PLPPR1: variants seen among roughly 807,000 people sequenced by gnomAD.
PLPPR1 encodes the protein phospholipid phosphatase related 1.
Under a neutral mutation model 33.1 loss-of-function variants are expected in PLPPR1, and 10 were observed. The observed-to-expected ratio is 0.30, with a 90% CI of 0.19 to 0.51. The LOEUF (loss-of-function observed/expected upper bound fraction) is 0.51, where lower values mean the gene tolerates loss of function less well. PLPPR1 is among the 20% of genes least tolerant of loss of function. PLPPR1 has a pLI of 0.97. For missense variants in PLPPR1, 304 were observed against 408.1 expected, an observed-to-expected ratio of 0.74 and a Z score of 2.20; for synonymous variants, 151 against 151.0, an observed-to-expected ratio of 1.00 and a Z score of 0.00.
chr9:101,179,707 AGACTTGTGATGGTTAATACTGAGT>A (rs1826070379), intron 1 of PLPPR1, among the ~76,000 whole-genome samples: 1 of 152,212 alleles, frequency 6.6e-6, no homozygotes, highest in East Asian at 1.9e-4. Context: ...GACAAGGGGT[AGACTTGTGATGGTTAATACTGAGT>A]GTCAACTTGA....
intron 6 of PLPPR1, among the ~76,000 whole-genome samples, chr9:101,316,120 G>A (rs1829045943): frequency 6.6e-6 from 1 of 152,126 alleles, no homozygotes; most frequent in African/African-American, 2.4e-5. Context: ...GTTTCTACAG[G>A]TTCCCCTCTT....
At chr9:101,257,004 T>A (rs529535846) in intron 2 of PLPPR1, among the ~76,000 whole-genome samples, 57 of 152,258 alleles carry the variant, frequency 3.7e-4, no homozygotes, top group Middle Eastern at 6.8e-3. Flanking sequence ...TTCAGTTTCA[T>A]GAATATTCTT....
chr9:101,084,434 G>A (rs1251593490), intron 1 of PLPPR1, among the ~76,000 whole-genome samples: 3 of 152,174 alleles, frequency 2.0e-5, no homozygotes, highest in African/African-American at 7.2e-5. Flanking sequence ...ATTTAATGCT[G>A]CTCTGGTAGG....
chr9:101,187,429 A>C (rs1011280525), intron 2 of PLPPR1: 1 of 151,982 alleles, frequency 6.6e-6, no homozygotes, highest in Admixed American at 6.6e-5. Flanking sequence ...CACAAACATA[A>C]ATAGAAGTCT....
chr9:101,090,153 T>C (rs1187469134), intron 1 of PLPPR1, among the ~76,000 whole-genome samples: 4 of 152,160 alleles, frequency 2.6e-5, no homozygotes, highest in Admixed American at 2.6e-4. Context: ...TCTGTGTCTG[T>C]ATTCAAATTT....
intron 3 of PLPPR1, among the ~76,000 whole-genome samples, chr9:101,277,252 T>C (rs1035398403): frequency 2.0e-5 from 3 of 152,174 alleles, no homozygotes; most frequent in South Asian, 2.1e-4. Context: ...GAGACTAATA[T>C]TGGGGAGTAT....
At chr9:101,278,853 C>A (rs12004353) in intron 3 of PLPPR1, among the ~76,000 whole-genome samples, 6,386 of 152,254 alleles carry the variant, frequency 0.042, 427 homozygotes, top group African/African-American at 0.14. Flanking sequence ...TCAGCAGCCC[C>A]AGGTTTTGGG....
chr9:101,190,840 A>G (rs1826285431), intron 2 of PLPPR1, among the ~76,000 whole-genome samples: 1 of 152,190 alleles, frequency 6.6e-6, no homozygotes, highest in South Asian at 2.1e-4. Context: ...TTACAAGAGC[A>G]CCTACAGGGA....
intron 7 of PLPPR1, among the ~76,000 whole-genome samples, chr9:101,322,799 A>G (rs1459366147): frequency 6.6e-6 from 1 of 152,224 alleles, no homozygotes; most frequent in Non-Finnish European, 1.5e-5. Flanking sequence ...AAAAATAGTA[A>G]GGATACACAT....
intron 1 of PLPPR1, among the ~76,000 whole-genome samples, chr9:101,050,515 G>C (rs1346962412): frequency 1.3e-5 from 2 of 152,148 alleles, no homozygotes; most frequent in African/African-American, 4.8e-5. Flanking sequence ...GTAGGTGCTG[G>C]GTTTTCTGCT....
intron 1 of PLPPR1, among the ~76,000 whole-genome samples, chr9:101,126,820 C>G (rs1831251113): frequency 6.6e-6 from 1 of 152,130 alleles, no homozygotes; most frequent in Admixed American, 6.5e-5. Context: ...TATGCTCATC[C>G]TCCTCTTCCT....
chr9:101,163,499 T>C (rs1025704787), intron 1 of PLPPR1, among the ~76,000 whole-genome samples: 1 of 152,202 alleles, frequency 6.6e-6, no homozygotes, highest in Non-Finnish European at 1.5e-5. Flanking sequence ...TGCTGAAGTC[T>C]GTTGAACAGG....
chr9:101,319,258 C>G (rs1829110603), intron 7 of PLPPR1, among the ~76,000 whole-genome samples: 1 of 152,204 alleles, frequency 6.6e-6, no homozygotes, highest in Non-Finnish European at 1.5e-5. Context: ...CTCACTGCAG[C>G]CTCCGCCTCC....
chr9:101,063,150 A>G (rs1830366680), intron 1 of PLPPR1, among the ~76,000 whole-genome samples: 1 of 152,088 alleles, frequency 6.6e-6, no homozygotes, highest in Non-Finnish European at 1.5e-5. Flanking sequence ...AAAGTGTAAA[A>G]GCTGCTAGGT....
At chr9:101,271,645 G>A (rs748379778) in intron 3 of PLPPR1, among the ~76,000 whole-genome samples, 6 of 152,102 alleles carry the variant, frequency 3.9e-5, no homozygotes, top group Non-Finnish European at 7.3e-5. Context: ...GGCCAGACTC[G>A]GTTCTGTCTG....
At chr9:101,048,761 G>T (rs1830182559) in intron 1 of PLPPR1, among the ~76,000 whole-genome samples, 1 of 152,148 alleles carries the variant, frequency 6.6e-6, no homozygotes, top group Admixed American at 6.5e-5. Context: ...GGAAAAATCT[G>T]CATTCAGAGC....
intron 2 of PLPPR1, among the ~76,000 whole-genome samples, chr9:101,268,777 G>A (rs1828044362): frequency 6.6e-6 from 1 of 152,058 alleles, no homozygotes; most frequent in Non-Finnish European, 1.5e-5. Context: ...GTCCTACCAA[G>A]TTCTGATTTT....
intron 1 of PLPPR1, among the ~76,000 whole-genome samples, chr9:101,150,248 ATCCT>A (rs1243621456): frequency 3.3e-5 from 5 of 152,244 alleles, no homozygotes; most frequent in African/African-American, 1.2e-4. Flanking sequence ...TATTTGTAGA[ATCCT>A]TCCTTTTTAT....
intron 1 of PLPPR1, among the ~76,000 whole-genome samples, chr9:101,118,888 G>GTT (rs71356334): frequency 3.5e-4 from 53 of 150,242 alleles, no homozygotes; most frequent in East Asian, 5.8e-4. Context: ...TTGATGCCAT[G>GTT]TTTTTTTTTG....
Sources: gnomAD v4.1 joint callset for allele counts (sites outside exome capture counted in the v4.1 genomes callset) on GRCh38, gnomAD v4.1.1 for gene constraint, MANE v1.5 for transcripts, NCBI Gene and HGNC (gene_info 2026-07-23, HGNC 2026-07-21) for gene names.